The following ZBTB7C variants were observed in gnomAD, a reference collection of about 807,000 sequenced individuals.
ZBTB7C encodes zinc finger and BTB domain-containing protein 7C.
A neutral mutation model predicts 25.7 loss-of-function variants in ZBTB7C; 8 were observed. The observed-to-expected ratio is 0.31, with a 90% confidence interval of 0.18 to 0.56. The LOEUF (loss-of-function observed/expected upper bound fraction) is 0.56. Among genes scored for constraint, ZBTB7C ranks in the 20% least tolerant of loss-of-function variants. The pLI is 0.91. For synonymous variants in ZBTB7C, 394 were observed against 369.0 expected (o/e 1.07, Z -0.78); for missense variants, 824 against 855.2 (o/e 0.96, Z 0.46).
intron 3 of ZBTB7C, among the ~76,000 whole-genome samples, chr18:48,158,022 C>T (rs886458607): frequency 4.6e-5 from 7 of 152,006 alleles, no homozygotes; most frequent in African/African-American, 1.5e-4. Flanking sequence ...CCCTGGGGAC[C>T]ATCTCTGTTT....
intron 2 of ZBTB7C, among the ~76,000 whole-genome samples, chr18:48,265,081 C>A (rs1054358999): frequency 1.3e-5 from 2 of 152,108 alleles, no homozygotes; most frequent in Non-Finnish European, 2.9e-5. Context: ...AACTGAAAAG[C>A]CTGGTTTTAG....
intron 3 of ZBTB7C, among the ~76,000 whole-genome samples, chr18:48,120,872 G>A: frequency 6.6e-6 from 1 of 152,138 alleles, no homozygotes; most frequent in Non-Finnish European, 1.5e-5. Context: ...ATGCTGGGAA[G>A]GAGCAAGGTC....
chr18:48,275,593 G>A (rs1484129129), intron 2 of ZBTB7C, among the ~76,000 whole-genome samples: 20 of 150,550 alleles, frequency 1.3e-4, no homozygotes, highest in Admixed American at 1.1e-3. Flanking sequence ...CCATACTCAG[G>A]TCTCCTGACC....
chr18:48,218,176 T>G (rs562471834), intron 2 of ZBTB7C, among the ~76,000 whole-genome samples: 2 of 152,282 alleles, frequency 1.3e-5, no homozygotes, highest in South Asian at 4.1e-4. Context: ...CTTGTGGCCT[T>G]GGGTACATGT....
At chr18:48,241,038 C>T (rs183397654) in intron 2 of ZBTB7C, among the ~76,000 whole-genome samples, 66 of 152,016 alleles carry the variant, frequency 4.3e-4, no homozygotes, top group Middle Eastern at 3.4e-3. Context: ...CAAAAATGAG[C>T]AGGAGTAGCT....
At chr18:48,141,706 C>A (rs980645678) in intron 3 of ZBTB7C, among the ~76,000 whole-genome samples, 11 of 152,144 alleles carry the variant, frequency 7.2e-5, no homozygotes, top group African/African-American at 2.7e-4. Flanking sequence ...ACTTGTCATT[C>A]CTCCTTGTAC....
At chr18:48,259,710 G>T (rs2044116279) in intron 2 of ZBTB7C, among the ~76,000 whole-genome samples, 1 of 151,992 alleles carries the variant, frequency 6.6e-6, no homozygotes, top group Admixed American at 6.5e-5. Context: ...CAAAATATTT[G>T]AACAGAACTT....
At chr18:48,262,720 G>C (rs1284525072) in intron 2 of ZBTB7C, among the ~76,000 whole-genome samples, 1 of 152,086 alleles carries the variant, frequency 6.6e-6, no homozygotes, top group African/African-American at 2.4e-5. Flanking sequence ...ATTTAAGTTC[G>C]AGAAGACTGC....
intron 2 of ZBTB7C, among the ~76,000 whole-genome samples, chr18:48,273,127 T>A (rs1226248187): frequency 2.0e-5 from 3 of 152,230 alleles, no homozygotes; most frequent in Admixed American, 6.5e-5. Context: ...TTGTACACTT[T>A]AAAAGTGCGA....
chr18:48,043,744 T>C (rs2036356148), intron 3 of ZBTB7C, among the ~76,000 whole-genome samples: 1 of 152,300 alleles, frequency 6.6e-6, no homozygotes, highest in African/African-American at 2.4e-5. Context: ...GCGTAAAGGG[T>C]ACATGAGATG....
At chr18:48,279,074 A>G (rs1417042018) in intron 2 of ZBTB7C, among the ~76,000 whole-genome samples, 1 of 151,974 alleles carries the variant, frequency 6.6e-6, no homozygotes, top group African/African-American at 2.4e-5. Flanking sequence ...CACCTTTGTC[A>G]CACATACTTA....
intron 2 of ZBTB7C, among the ~76,000 whole-genome samples, chr18:48,186,520 C>T (rs907341265): frequency 6.6e-6 from 1 of 152,210 alleles, no homozygotes; most frequent in Admixed American, 6.5e-5. Context: ...CAACAAAGGC[C>T]AGAAAATGCA....
At chr18:48,219,352 G>A (rs2042898576) in intron 2 of ZBTB7C, among the ~76,000 whole-genome samples, 1 of 152,168 alleles carries the variant, frequency 6.6e-6, no homozygotes, top group Admixed American at 6.5e-5. Context: ...CAATAATGAT[G>A]ACAACACTAA....
In ZBTB7C at chr18:48,344,850, G is replaced by A. The variant is rs149477396; in HGVS notation, c.-303-6452C>T. On this transcript the variant is annotated intron_variant, in intron 1 of 4. Transcript: ENST00000590800. ...GAAGGTTGTGCTGTGGTAATGTAAC[G>A]ACATGTGTTTTTATTTATTTGTCAT... is the stretch of plus-strand genomic sequence containing the variant. Among the ~76,000 whole-genome samples the A allele has an allele frequency of 7.6e-3, 1,160 of 152,286 alleles. 17 individuals are homozygous for A. The highest frequency in any genetic ancestry group is 0.032 in the Admixed American group (494 of 15,294).
rs772809515 is a variant in ZBTB7C, at chr18:48,029,833, G to A, written c.1287C>T (p.Phe429=). The A allele has an allele frequency of 1.1e-5, 17 of 1,610,048 alleles. No individual in the cohort carries two copies. The highest frequency in any genetic ancestry group is 1.4e-5 in the Non-Finnish European group (16 of 1,180,016). Residue 429 remains phenylalanine (F), a synonymous_variant, in exon 5 of 5, where the codon TTC becomes TTT. Transcript: ENST00000590800. ...PYLCIHCNAK[F]VHNYDLKNHM... is the part of the protein sequence containing the mutation. ...GGTTCTTGAGGTCGTAGTTGTGCAC[G>A]AACTTGGCGTTGCAGTGGATGCACA...
upstream of ZBTB7C, among the ~76,000 whole-genome samples, chr18:48,409,600 T>G (rs1402059982): frequency 1.3e-5 from 2 of 150,208 alleles, no homozygotes; most frequent in African/African-American, 2.4e-5. Context: ...GCGCGGCACA[T>G]GCACTTGCTG....
At chr18:48,277,246 A>G (rs1287046951) in intron 2 of ZBTB7C, among the ~76,000 whole-genome samples, 1 of 146,934 alleles carries the variant, frequency 6.8e-6, no homozygotes, top group African/African-American at 2.5e-5. Context: ...CAACCTACTC[A>G]TCTGACAAAG....
At chr18:48,347,125 T>G (rs4940356) in intron 1 of ZBTB7C, among the ~76,000 whole-genome samples, 45 of 73,624 alleles carry the variant, frequency 6.1e-4, no homozygotes, top group African/African-American at 3.0e-3. Flanking sequence ...TTTTTGTTTG[T>G]TTTTTTTTTT....
chr18:48,275,336 C>G (rs781109122), intron 2 of ZBTB7C, among the ~76,000 whole-genome samples: 3 of 152,206 alleles, frequency 2.0e-5, no homozygotes, highest in Non-Finnish European at 4.4e-5. Context: ...TGCTGCGTTC[C>G]TATGCCTAGG....
Sources: allele counts gnomAD v4.1 joint callset (sites outside exome capture counted in the v4.1 genomes callset), GRCh38; gene constraint gnomAD v4.1.1; transcripts MANE v1.5; gene names NCBI Gene and HGNC (gene_info 2026-07-23, HGNC 2026-07-21).